UBA2: variants seen among roughly 807,000 people sequenced by gnomAD.
UBA2 encodes the protein SUMO-activating enzyme subunit 2.
Under a neutral mutation model 77.2 loss-of-function variants are expected in UBA2, and 11 were observed. The observed-to-expected ratio is 0.14, with a 90% CI of 0.09 to 0.24. The LOEUF is 0.24. Among genes scored for constraint, UBA2 ranks in the 10% least tolerant of loss-of-function variants. UBA2 has a pLI of 1.00. For synonymous variants in UBA2, 278 were observed against 276.7 expected (o/e 1.00, Z -0.05); for missense variants, 487 against 781.7 (o/e 0.62, Z 4.50).
chr19:34,445,944 C>T (rs1031360320), intron 8 of UBA2, among the ~76,000 whole-genome samples: 7 of 152,120 alleles, frequency 4.6e-5, no homozygotes, highest in Non-Finnish European at 7.3e-5. Context: ...CATCTAGACC[C>T]GTAGGTCCGT....
chr19:34,452,257 A>G (rs2075509387), intron 10 of UBA2, 110 bp downstream of exon 10: 2 of 1,005,300 alleles, frequency 2.0e-6, no homozygotes, highest in South Asian at 2.1e-5. Flanking sequence ...TTTTGAGGAA[A>G]TATATTGATT....
intron 13 of UBA2, 40 bp from the exon 14 acceptor site, chr19:34,460,430 C>A: frequency 1.6e-6 from 2 of 1,269,264 alleles, no homozygotes; most frequent in Non-Finnish European, 2.2e-6. Context: ...TCTTTAATTA[C>A]CTACGTTAAT....
At chr19:34,464,692 T>C (rs900044193) in intron 15 of UBA2, among the ~76,000 whole-genome samples, 3 of 152,166 alleles carry the variant, frequency 2.0e-5, no homozygotes, top group Non-Finnish European at 4.4e-5. Flanking sequence ...GCAAATTCAT[T>C]GTAGTAATTA....
intron 8 of UBA2, among the ~76,000 whole-genome samples, chr19:34,446,608 C>CTTTTT (rs764109454): frequency 1.4e-5 from 2 of 145,152 alleles, no homozygotes; most frequent in Admixed American, 7.0e-5. Context: ...TTTTTTTTTT[C>CTTTTT]TTTCTTTTTT....
intron 9 of UBA2, among the ~76,000 whole-genome samples, chr19:34,451,254 T>C (rs1183597252): frequency 6.6e-6 from 1 of 152,164 alleles, no homozygotes; most frequent in Non-Finnish European, 1.5e-5. Context: ...TTATCTGAAC[T>C]GTATTAGGAT....
At chr19:34,453,196 G>A (rs1568378914) in intron 10 of UBA2, among the ~76,000 whole-genome samples, 3 of 152,148 alleles carry the variant, frequency 2.0e-5, no homozygotes. Flanking sequence ...TTGACTCAAG[G>A]AATTTGACTT....
chr19:34,443,963 G>A (rs1222203951), intron 7 of UBA2, 52 bp downstream of exon 7: 1 of 1,242,592 alleles, frequency 8.0e-7, no homozygotes, highest in South Asian at 1.3e-5. Context: ...TCTTTATTTT[G>A]TTGATTTAAT....
chr19:34,468,787 C>T (rs2075712429), intron 16 of UBA2, among the ~76,000 whole-genome samples: 1 of 152,162 alleles, frequency 6.6e-6, no homozygotes, highest in Non-Finnish European at 1.5e-5. Context: ...GAGGTAGAAT[C>T]AAGGATGTGT....
At chr19:34,467,138 T>A (rs1568387811) in intron 16 of UBA2, 124 bp downstream of exon 16, 1 of 1,194,802 alleles carries the variant, frequency 8.4e-7, no homozygotes, top group Non-Finnish European at 1.2e-6. Flanking sequence ...GGTTTGGTAT[T>A]GATTGTTGTA....
At chr19:34,463,945 A>G (rs758199826) in intron 14 of UBA2, 81 bp from the exon 15 acceptor site, 143 of 960,934 alleles carry the variant, frequency 1.5e-4, no homozygotes, top group Non-Finnish European at 2.2e-4. Flanking sequence ...AGCCCATAAC[A>G]GAGGTTTAGC....
chr19:34,451,804 C>G (rs180698739), intron 9 of UBA2, among the ~76,000 whole-genome samples, 177 bp from the exon 10 acceptor site: 30 of 152,106 alleles, frequency 2.0e-4, no homozygotes, highest in African/African-American at 7.2e-4. Context: ...CCTCGGCCTC[C>G]CAAAGTGCTG....
At chr19:34,431,715 T>G (rs549607919) in intron 2 of UBA2, 146 bp from the exon 3 acceptor site, 2 of 675,392 alleles carry the variant, frequency 3.0e-6, no homozygotes, top group East Asian at 2.7e-5. Context: ...TTAACCCTAA[T>G]GCAATTTTCT....
At position 34,436,150 on chromosome 19, in the gene UBA2, T is replaced by C. The variant is rs981348364; in HGVS notation, c.459+1182T>C. Among the ~76,000 whole-genome samples the C allele has an allele frequency of 2.2e-4, 34 of 151,872 alleles. 1 individual carries two copies. Among genetic ancestry groups the C allele is most frequent in the Middle Eastern group, 3.4e-3 (1 of 294 alleles). On this transcript the variant is annotated intron_variant, in intron 5 of 16. Coordinates refer to ENST00000246548, the MANE Select transcript of UBA2 (RefSeq NM_005499.3). ...AAAAAAACCAAAAAATTCTGTTGTC[T>C]AAGAGTCTGGGCTTATAATGTGGAA...
At chr19:34,437,513 G>A (rs1015846578) in intron 5 of UBA2, among the ~76,000 whole-genome samples, 1 of 151,874 alleles carries the variant, frequency 6.6e-6, no homozygotes, top group East Asian at 2.0e-4. Flanking sequence ...GGGAGGCTGA[G>A]GCAAAAGAAT....
intron 12 of UBA2, among the ~76,000 whole-genome samples, chr19:34,458,399 A>C (rs1208303874): frequency 6.6e-6 from 1 of 151,516 alleles, no homozygotes; most frequent in African/African-American, 2.4e-5. Flanking sequence ...ACTAAAAAAA[A>C]AATACAAAAA....
At chr19:34,434,739 C>G (rs901019559) in intron 4 of UBA2, 129 bp from the exon 5 acceptor site, 2 of 663,324 alleles carry the variant, frequency 3.0e-6, no homozygotes, top group African/African-American at 3.7e-5. Flanking sequence ...TTGTATTATT[C>G]TGGCCATAGC....
intron 7 of UBA2, 117 bp from the exon 8 acceptor site, chr19:34,444,883 A>T: frequency 9.9e-7 from 1 of 1,010,562 alleles, no homozygotes; most frequent in Non-Finnish European, 1.5e-6. Flanking sequence ...TTGAACTCAG[A>T]ATGTGTTGCA....
intron 6 of UBA2, among the ~76,000 whole-genome samples, chr19:34,443,467 A>T (rs28716034): frequency 2.7e-3 from 332 of 123,740 alleles, no homozygotes; most frequent in African/African-American, 9.0e-3. Flanking sequence ...TTTGAGACGG[A>T]GTCTTGCTCT....
intron 6 of UBA2, 94 bp downstream of exon 6, chr19:34,438,860 A>T (rs2075337695): frequency 6.8e-7 from 1 of 1,465,964 alleles, no homozygotes; most frequent in Non-Finnish European, 9.3e-7. Flanking sequence ...TGAACTCAGG[A>T]TGTTTAAATA....
Sources: allele counts gnomAD v4.1 joint callset (sites outside exome capture counted in the v4.1 genomes callset), GRCh38; gene constraint gnomAD v4.1.1; transcripts MANE v1.5; gene names NCBI Gene and HGNC (gene_info 2026-07-23, HGNC 2026-07-21).